The following RPL23A variants were observed in gnomAD, a reference collection of about 807,000 sequenced individuals.
RPL23A encodes ribosomal protein L23a, also known as large ribosomal subunit protein uL23.
Under a neutral mutation model 17.6 loss-of-function variants are expected in RPL23A, and 2 were observed. The ratio of observed to expected loss-of-function variants is 0.11; its 90% CI spans 0.05 to 0.36. The LOEUF is 0.36. RPL23A is among the 10% of genes least tolerant of loss of function. RPL23A has a pLI of 1.00. For missense variants in RPL23A, 132 were observed against 194.4 expected (o/e 0.68, Z 1.91); for synonymous variants, 65 against 74.3 (o/e 0.87, Z 0.65).
chr17:28,721,048 A>T, intron 2 of RPL23A, 158 bp downstream of exon 2: 1 of 703,012 alleles, frequency 1.4e-6, no homozygotes, highest in Admixed American at 2.8e-5. Flanking sequence ...TGCATTTACA[A>T]AACTGGCAGG....
At chr17:28,720,283 G>T in intron 1 of RPL23A, 1 of 1,548,480 alleles carries the variant, frequency 6.5e-7, no homozygotes. Flanking sequence ...TTCGGTTCTG[G>T]GAAGCTACAT....
chr17:28,722,108 G>C (rs995579935), intron 2 of RPL23A, among the ~76,000 whole-genome samples: 1 of 150,890 alleles, frequency 6.6e-6, no homozygotes, highest in Non-Finnish European at 1.5e-5. Context: ...TTAGCCGGGC[G>C]TGGTGGCAGG....
intron 4 of RPL23A, 109 bp downstream of exon 4, chr17:28,723,749 G>A (rs760136120): frequency 7.4e-7 from 1 of 1,348,048 alleles, no homozygotes; most frequent in African/African-American, 1.4e-5. Flanking sequence ...TTAACTGACT[G>A]CACCCCTATC....
chr17:28,721,977 G>A (rs2034122377), intron 2 of RPL23A: 1 of 152,148 alleles, frequency 6.6e-6, no homozygotes, highest in Admixed American at 6.5e-5. Flanking sequence ...CGGGCGCGGT[G>A]GCTCGAGCCT....
chr17:28,720,224 T>C (rs1201305696), intron 1 of RPL23A, 194 bp downstream of exon 1: 10 of 1,530,184 alleles, frequency 6.5e-6, no homozygotes, highest in Admixed American at 2.0e-5. Flanking sequence ...GTAGAGGGAG[T>C]TGGGGGGGGG....
chr17:28,721,522 G>C (rs929133968), intron 2 of RPL23A: 5 of 152,742 alleles, frequency 3.3e-5, no homozygotes, highest in African/African-American at 9.7e-5. Flanking sequence ...TGAGAACGTG[G>C]ATTGATTCTT....
At chr17:28,720,382 C>A in intron 1 of RPL23A, 1 of 1,570,700 alleles carries the variant, frequency 6.4e-7, no homozygotes, top group Non-Finnish European at 8.6e-7. Flanking sequence ...TCATGTTCAA[C>A]CGGGCTACAT....
chr17:28,723,725 C>A, intron 4 of RPL23A, 85 bp downstream of exon 4: 2 of 1,410,270 alleles, frequency 1.4e-6, no homozygotes, highest in Non-Finnish European at 2.0e-6. Flanking sequence ...CTGATCTTTG[C>A]TGATTAGTCA....
chr17:28,723,032 G>A (rs964589298), intron 3 of RPL23A, 133 bp downstream of exon 3: 4 of 684,084 alleles, frequency 5.8e-6, no homozygotes, highest in African/African-American at 1.8e-5. Context: ...TCCGAGCTAT[G>A]CAGGAGGATC....
intron 2 of RPL23A, 78 bp from the exon 3 acceptor site, chr17:28,722,645 T>G (rs2034137399): frequency 1.7e-6 from 2 of 1,168,406 alleles, no homozygotes; most frequent in Non-Finnish European, 2.6e-6. Context: ...CCTCGTTGTC[T>G]GATGCACCTA....
At chr17:28,722,548 C>T in intron 2 of RPL23A, 175 bp from the exon 3 acceptor site, 1 of 768,404 alleles carries the variant, frequency 1.3e-6, no homozygotes, top group Non-Finnish European at 2.4e-6. Flanking sequence ...ACGTTCTGCC[C>T]CTGGGATTGG....
At chr17:28,722,539 C>G in intron 2 of RPL23A, 184 bp from the exon 3 acceptor site, 1 of 756,748 alleles carries the variant, frequency 1.3e-6, no homozygotes, top group Non-Finnish European at 2.5e-6. Context: ...AAATGCACAA[C>G]GTTCTGCCCC....
chr17:28,722,927 C>T (rs200447961), intron 3 of RPL23A, 28 bp downstream of exon 3: 1,439 of 1,599,848 alleles, frequency 9.0e-4, no homozygotes, highest in Non-Finnish European at 1.1e-3. Context: ...GGATGGGGAG[C>T]AGGCTGGACC....
chr17:28,722,831 G>C lies in RPL23A; in HGVS notation c.318G>C (p.Lys106Asn). 1 of 1,613,778 alleles carries C rather than the reference G, an allele frequency of 6.2e-7. No individual in the cohort carries two copies. The highest frequency in any genetic ancestry group is 8.5e-7 in the Non-Finnish European group (1 of 1,179,694). The change falls in exon 3 of 5, where the codon AAG (lysine) becomes AAC (asparagine). Residue 106 changes from lysine (K) to asparagine (N), a missense_variant. Coordinates refer to ENST00000422514, the MANE Select transcript of RPL23A (RefSeq NM_000984.6). ...TCATTGTGGATGTTAAAGCCAACAA[G>C]CACCAGATTAAACAGGCTGTGAAGA... ...LVFIVDVKAN[K>N]HQIKQAVKKL...
chr17:28,724,026 T>A lies in RPL23A; in HGVS notation c.*145T>A. 1 of 587,404 alleles carries A rather than the reference T, an allele frequency of 1.7e-6. No individual in the cohort carries two copies. The highest frequency in any genetic ancestry group is 2.9e-6 in the Non-Finnish European group (1 of 342,230). 36.4% of individuals were successfully genotyped at this position (587,404 alleles called of 1,614,324 possible). A position where few individuals can be genotyped will look rare whatever the true frequency, so the allele number is the denominator to read the frequency against. On this transcript the variant is annotated 3_prime_UTR_variant, in exon 5 of 5. Coordinates refer to ENST00000422514, the MANE Select transcript of RPL23A (RefSeq NM_000984.6). Reference sequence around the variant, plus strand: ...GCTTGGGCAAGACTCCTGTTCTACTTATCCTTTTGAAATACCTCACCCTGC... The same window carrying A: ...GCTTGGGCAAGACTCCTGTTCTACTAATCCTTTTGAAATACCTCACCCTGC...
chr17:28,720,417 G>T, intron 1 of RPL23A: 1 of 1,604,722 alleles, frequency 6.2e-7, no homozygotes, highest in Non-Finnish European at 8.5e-7. Context: ...TCCGCAGCGT[G>T]GTTTTGCGAT....
At chr17:28,722,990 G>A in intron 3 of RPL23A, 91 bp downstream of exon 3, 1 of 966,964 alleles carries the variant, frequency 1.0e-6, no homozygotes, top group East Asian at 2.6e-5. Context: ...TGATGTTTAG[G>A]TAGTCCTGGT....
intron 2 of RPL23A, 37 bp downstream of exon 2, chr17:28,720,927 G>C: frequency 6.3e-7 from 1 of 1,576,200 alleles, no homozygotes; most frequent in South Asian, 1.1e-5. Flanking sequence ...AAAGATTTGG[G>C]TATTCTCCAT....
intron 2 of RPL23A, chr17:28,721,847 C>T (rs2034120325): frequency 6.6e-6 from 1 of 152,174 alleles, no homozygotes; most frequent in Non-Finnish European, 1.5e-5. Flanking sequence ...GCCCCTCCCG[C>T]CACCAAGCTG....
Sources: gnomAD v4.1 joint callset for allele counts (sites outside exome capture counted in the v4.1 genomes callset) on GRCh38, gnomAD v4.1.1 for gene constraint, MANE v1.5 for transcripts, NCBI Gene and HGNC (gene_info 2026-07-23, HGNC 2026-07-21) for gene names.